Variants in FBXL2 observed in about 807,000 individuals in gnomAD.
FBXL2 encodes the protein F-box and leucine rich repeat protein 2, also known as F-box/LRR-repeat protein 2.
A neutral mutation model predicts 69.2 loss-of-function variants in FBXL2; 38 were observed. The observed-to-expected ratio is 0.55, with a 90% CI of 0.42 to 0.72. FBXL2 has a LOEUF of 0.72. Among genes scored for constraint, FBXL2 ranks in the 30% least tolerant of loss-of-function variants. The pLI is 0.00. For synonymous variants in FBXL2, 192 were observed against 201.3 expected (o/e 0.95, Z 0.39); for missense variants, 354 against 520.3 (o/e 0.68, Z 3.11).
At chr3:33,408,325 TACTAAAGAAA>T (rs1356064219), downstream of FBXL2, among the ~76,000 whole-genome samples, 3 of 152,142 alleles carry the variant, frequency 2.0e-5, no homozygotes, top group Non-Finnish European at 4.4e-5. Flanking sequence ...ATAGCTAATT[TACTAAAGAAA>T]GTATTTTCAA....
chr3:33,370,152 C>T (rs1019476261), intron 5 of FBXL2, among the ~76,000 whole-genome samples: 3 of 151,952 alleles, frequency 2.0e-5, no homozygotes, highest in African/African-American at 4.8e-5. Context: ...CAGTGGCTCA[C>T]GCCTGTAATC....
chr3:33,326,222 C>T (rs2038675292), intron 2 of FBXL2, among the ~76,000 whole-genome samples: 1 of 152,092 alleles, frequency 6.6e-6, no homozygotes, highest in Admixed American at 6.5e-5. Flanking sequence ...TCATAGAGGC[C>T]AGGTGCAGTG....
intron 1 of FBXL2, among the ~76,000 whole-genome samples, chr3:33,295,569 G>C (rs1419330235): frequency 6.6e-6 from 1 of 152,156 alleles, no homozygotes; most frequent in East Asian, 1.9e-4. Context: ...GTTTTTGTAT[G>C]GACATATATT....
At chr3:33,418,440 G>A in the FBXL2 span, among the ~76,000 whole-genome samples, 2 of 151,698 alleles carry the variant, frequency 1.3e-5, no homozygotes, top group African/African-American at 4.8e-5. Flanking sequence ...TTATTTTTTA[G>A]TAGAGACAGG....
At chr3:33,420,348 CAG>C in the FBXL2 span, among the ~76,000 whole-genome samples, 1 of 152,116 alleles carries the variant, frequency 6.6e-6, no homozygotes, top group Non-Finnish European at 1.5e-5. Context: ...TTTTTTGAGA[CAG>C]AGTCTCACTC....
the FBXL2 span, among the ~76,000 whole-genome samples, chr3:33,419,620 C>T: frequency 7.1e-6 from 1 of 141,762 alleles, no homozygotes; most frequent in Non-Finnish European, 1.5e-5. Flanking sequence ...AAGAGGGAGA[C>T]TCCATCTCAA....
At position 33,375,423 on chromosome 3, in the gene FBXL2, G is replaced by T. The variant is rs988149931; in HGVS notation, c.788+5G>T. ...TTTGAACTGTCCGCGACTGCAGTGA[G>T]TACACTGCACTTTTTGCTTTGCAGC... On this transcript the variant is annotated splice_donor_5th_base_variant and intron_variant, in intron 10 of 14. Coordinates refer to ENST00000484457, the MANE Select transcript of FBXL2 (RefSeq NM_012157.5). The T allele has an allele frequency of 1.2e-6, 2 of 1,612,852 alleles. No individual in the cohort carries two copies. The highest frequency in any genetic ancestry group is 1.7e-6 in the Non-Finnish European group (2 of 1,178,936).
chr3:33,331,355 C>T, intron 2 of FBXL2, among the ~76,000 whole-genome samples: 1 of 152,144 alleles, frequency 6.6e-6, no homozygotes, highest in East Asian at 1.9e-4. Flanking sequence ...AAAGCAGATA[C>T]CAGGCTGTCT....
chr3:33,347,955 T>C (rs150565224), intron 2 of FBXL2, among the ~76,000 whole-genome samples: 284 of 152,292 alleles, frequency 1.9e-3, no homozygotes, highest in African/African-American at 6.0e-3. Context: ...GCAAATATTT[T>C]TTCCCATCCT....
chr3:33,396,505 G>A (rs1410423793), intron 12 of FBXL2: 1 of 504,450 alleles, frequency 2.0e-6, no homozygotes, highest in African/African-American at 1.9e-5. Context: ...CATTGAGATG[G>A]TCTGTCAGAT....
At chr3:33,323,741 C>T (rs1454424721) in intron 2 of FBXL2, among the ~76,000 whole-genome samples, 1 of 152,126 alleles carries the variant, frequency 6.6e-6, no homozygotes, top group Admixed American at 6.5e-5. Flanking sequence ...CAAGTCTTTG[C>T]TATTGTGAAT....
chr3:33,355,437 A>C (rs2041133161), intron 2 of FBXL2, among the ~76,000 whole-genome samples: 1 of 152,236 alleles, frequency 6.6e-6, no homozygotes. Context: ...AATTCAGTGC[A>C]ATCCCAGTAA....
chr3:33,366,156 C>T (rs1050879143), intron 5 of FBXL2, among the ~76,000 whole-genome samples: 5 of 152,084 alleles, frequency 3.3e-5, no homozygotes, highest in African/African-American at 1.2e-4. Flanking sequence ...GTTTAAACAA[C>T]CCTCCATCAC....
the FBXL2 span, chr3:33,416,645 A>G: frequency 1.3e-6 from 1 of 787,438 alleles, no homozygotes; most frequent in Non-Finnish European, 2.0e-6. Flanking sequence ...TATAGCTCAT[A>G]AAGTTAAAAA....
chr3:33,310,940 A>C (rs977639650), intron 2 of FBXL2, among the ~76,000 whole-genome samples: 2 of 151,924 alleles, frequency 1.3e-5, no homozygotes, highest in Non-Finnish European at 2.9e-5. Context: ...ACTCCTGGCT[A>C]ATTTTTCAGT....
At chr3:33,282,857 T>C (rs1459075426) in intron 1 of FBXL2, among the ~76,000 whole-genome samples, 15 of 152,312 alleles carry the variant, frequency 9.8e-5, no homozygotes, top group African/African-American at 1.2e-4. Context: ...TTGTCTGTTA[T>C]TGGTATATAG....
chr3:33,409,607 A>G, the FBXL2 span: 1 of 1,614,112 alleles, frequency 6.2e-7, no homozygotes, highest in Non-Finnish European at 8.5e-7. Flanking sequence ...TGTACCTATA[A>G]AACGATTCAG....
At chr3:33,355,376 A>G (rs1294781029) in intron 2 of FBXL2, among the ~76,000 whole-genome samples, 1 of 152,270 alleles carries the variant, frequency 6.6e-6, no homozygotes, top group Middle Eastern at 3.2e-3. Context: ...ATGTTTCTGG[A>G]TTGGAAGATT....
the FBXL2 span, among the ~76,000 whole-genome samples, chr3:33,418,438 TAGTAGAGAC>T: frequency 2.6e-4 from 40 of 151,910 alleles, no homozygotes; most frequent in Admixed American, 2.4e-3. Context: ...TATTATTTTT[TAGTAGAGAC>T]AGGGTTTCGC....
Sources: gnomAD v4.1 joint callset for allele counts (sites outside exome capture counted in the v4.1 genomes callset) on GRCh38, gnomAD v4.1.1 for gene constraint, MANE v1.5 for transcripts, NCBI Gene and HGNC (gene_info 2026-07-23, HGNC 2026-07-21) for gene names.